The following UBR2 variants were observed in gnomAD, a reference collection of about 807,000 sequenced individuals.
UBR2 encodes ubiquitin protein ligase E3 component n-recognin 2.
Under a neutral mutation model 247.9 loss-of-function variants are expected in UBR2, and 92 were observed. That is an observed-to-expected ratio of 0.37 (90% CI 0.31 to 0.44). The LOEUF is 0.44. Among genes scored for constraint, UBR2 ranks in the 20% least tolerant of loss-of-function variants. UBR2 has a pLI of 1.00. For missense variants in UBR2, 1,613 were observed against 2,112.6 expected (o/e 0.76, Z 4.64); for synonymous variants, 672 against 693.5 (o/e 0.97, Z 0.49).
At chr6:42,646,247 G>GA (rs1796746762) in intron 21 of UBR2, among the ~76,000 whole-genome samples, 1 of 152,052 alleles carries the variant, frequency 6.6e-6, no homozygotes, top group Non-Finnish European at 1.5e-5. Context: ...GCCCTAATTT[G>GA]AAACATAGAT....
intron 15 of UBR2, among the ~76,000 whole-genome samples, chr6:42,639,261 T>A (rs1796281979): frequency 6.6e-6 from 1 of 152,074 alleles, no homozygotes; most frequent in South Asian, 2.1e-4. Context: ...CTTTAAAGGG[T>A]GTCCTCTGTT....
At chr6:42,610,238 G>A (rs1386146063) in intron 7 of UBR2, among the ~76,000 whole-genome samples, 1 of 152,182 alleles carries the variant, frequency 6.6e-6, no homozygotes, top group Non-Finnish European at 1.5e-5. Flanking sequence ...CTACTGGTAG[G>A]AAGGTAAAAT....
chr6:42,618,588 G>A (rs989530048), intron 11 of UBR2, among the ~76,000 whole-genome samples: 1 of 152,142 alleles, frequency 6.6e-6, no homozygotes, highest in Admixed American at 6.6e-5. Context: ...TTAAAAACAT[G>A]AGAAGGCATT....
intron 31 of UBR2, 148 bp downstream of exon 31, chr6:42,662,425 T>C (rs1797869830): frequency 1.4e-5 from 8 of 577,474 alleles, no homozygotes; most frequent in Non-Finnish European, 2.1e-5. Context: ...ACAAAAGTTA[T>C]TTGCCTTGTC....
intron 1 of UBR2, 146 bp downstream of exon 1, chr6:42,564,543 G>A: frequency 1.2e-6 from 1 of 863,166 alleles, no homozygotes; most frequent in Non-Finnish European, 1.8e-6. Context: ...TAATAGCCCG[G>A]GGAGGCCACC....
chr6:42,613,664 G>A (rs1794234358), intron 8 of UBR2, among the ~76,000 whole-genome samples: 1 of 152,030 alleles, frequency 6.6e-6, no homozygotes, highest in Non-Finnish European at 1.5e-5. Context: ...GCCAAGTGTT[G>A]TGCTACAGTA....
At chr6:42,614,390 ACG>A (rs1429564696) in intron 8 of UBR2, among the ~76,000 whole-genome samples, 6 of 128,916 alleles carry the variant, frequency 4.7e-5, no homozygotes, top group African/African-American at 1.5e-4. Flanking sequence ...ATATGTATGT[ACG>A]TACATACATA....
chr6:42,574,018 A>C, intron 2 of UBR2, 25 bp downstream of exon 2: 2 of 1,530,330 alleles, frequency 1.3e-6, no homozygotes, highest in South Asian at 2.6e-5. Flanking sequence ...TTTTCTTTCT[A>C]GGAGGCTCTT....
At chr6:42,594,125 T>C in intron 3 of UBR2, 66 bp from the exon 4 acceptor site, 2 of 1,248,082 alleles carry the variant, frequency 1.6e-6, no homozygotes, top group South Asian at 2.7e-5. Flanking sequence ...CTTGATATTC[T>C]TATTTATTAT....
intron 10 of UBR2, among the ~76,000 whole-genome samples, chr6:42,616,531 A>C (rs1794564217): frequency 6.6e-6 from 1 of 152,008 alleles, no homozygotes; most frequent in Admixed American, 6.6e-5. Context: ...GCATGATCCA[A>C]ATTAAATAGC....
chr6:42,671,460 C>T (rs1425495829), intron 36 of UBR2, among the ~76,000 whole-genome samples: 1 of 152,012 alleles, frequency 6.6e-6, no homozygotes, highest in Non-Finnish European at 1.5e-5. Flanking sequence ...TATTCTAGCT[C>T]CACTTTCTTG....
chr6:42,686,810 G>C (rs1231961889), intron 44 of UBR2, among the ~76,000 whole-genome samples: 1 of 152,092 alleles, frequency 6.6e-6, no homozygotes, highest in African/African-American at 2.4e-5. Flanking sequence ...TCCCAGACGG[G>C]GCGGCTGCCG....
chr6:42,644,452 A>G (rs776268575), intron 19 of UBR2, 21 bp from the exon 20 acceptor site: 18 of 1,609,716 alleles, frequency 1.1e-5, no homozygotes, highest in Non-Finnish European at 1.4e-5. Flanking sequence ...TCTGAACTTT[A>G]TCTTCCCTCA....
intron 6 of UBR2, 23 bp downstream of exon 6, chr6:42,605,882 T>C: frequency 6.3e-7 from 1 of 1,589,212 alleles, no homozygotes; most frequent in South Asian, 1.2e-5. Flanking sequence ...ACCATGTTGA[T>C]AATAAATTGA....
At chr6:42,617,296 G>A (rs751431111) in intron 10 of UBR2, 113 bp from the exon 11 acceptor site, 17 of 1,614,054 alleles carry the variant, frequency 1.1e-5, no homozygotes, top group African/African-American at 2.7e-5. Flanking sequence ...GAGCAGTGTC[G>A]GTGACTGCTC....
chr6:42,654,444 G>A (rs1311857121), intron 25 of UBR2, among the ~76,000 whole-genome samples: 1 of 152,162 alleles, frequency 6.6e-6, no homozygotes, highest in Admixed American at 6.5e-5. Flanking sequence ...TGGGGTGTGG[G>A]CCCGGCACAG....
chr6:42,684,699 A>C, intron 43 of UBR2, 95 bp from the exon 44 acceptor site: 76 of 712,832 alleles, frequency 1.1e-4, no homozygotes, highest in Non-Finnish European at 1.5e-4. Flanking sequence ...ATACCATGTT[A>C]CCCGGGCTAG....
Position 42,658,105 on chromosome 6 carries a change from A to G in UBR2, c.2954A>G (p.His985Arg). 1 of 1,614,120 alleles carries G rather than the reference A, an allele frequency of 6.2e-7. No homozygotes were observed. The highest frequency in any genetic ancestry group is 2.2e-5 in the East Asian group (1 of 44,866). ...TLQNAPYLEV[H>R]KDMIRWILKT... Reference sequence around the variant, plus strand: ...CAAAATGCTCCCTACCTAGAAGTCCACAAAGACATGATTCGGTGGATATTG... The same window carrying G: ...CAAAATGCTCCCTACCTAGAAGTCCGCAAAGACATGATTCGGTGGATATTG... The change falls in exon 27 of 47, where the codon CAC (histidine) becomes CGC (arginine). Residue 985 changes from histidine (H) to arginine (R), a missense_variant. His to Arg is a conservative substitution (Grantham distance 29). This residue lies in a region of UBR2 where 1,524 missense variants were observed against 1,967.3 expected (regional missense o/e 0.77). Transcript: ENST00000372901.
chr6:42,659,554 C>T lies in UBR2; in HGVS notation c.3243-102C>T. 2 of 807,762 alleles carry T rather than the reference C, an allele frequency of 2.5e-6. No individual in the cohort carries two copies. The highest frequency in any genetic ancestry group is 3.9e-6 in the Non-Finnish European group (2 of 507,512). The allele number at this position is 807,762 out of a possible 1,614,324, so 50.0% of individuals were successfully genotyped here. On this transcript the variant is annotated intron_variant, in intron 29 of 46. Transcript: ENST00000372901. This position sits in a 1 kb window ranked among gnomAD's most constrained non-coding sequence, Gnocchi z 4.3. ...ACACACACACACACACACACACACA[C>T]ACACACACTACACACACACACACAT... is the stretch of plus-strand genomic sequence containing the variant.
Sources: gnomAD v4.1 joint callset for allele counts (sites outside exome capture counted in the v4.1 genomes callset) on GRCh38, gnomAD v4.1.1 for gene constraint, gnomAD v4.1.1 regional missense constraint, Gnocchi (gnomAD v3.1) non-coding constraint, MANE v1.5 for transcripts, NCBI Gene and HGNC (gene_info 2026-07-23, HGNC 2026-07-21) for gene names.